COL4A6: variants seen among roughly 807,000 people sequenced by gnomAD.
COL4A6 encodes collagen type IV alpha 6 chain, also known as collagen alpha-6(IV) chain.
Under a neutral mutation model 126.7 loss-of-function variants are expected in COL4A6, and 59 were observed. That is an observed-to-expected ratio of 0.47 (90% CI 0.38 to 0.58). The LOEUF is 0.58. Ranked by LOEUF, COL4A6 falls within the 20% of genes least tolerant of loss-of-function variation. COL4A6 has a pLI of 0.00. For missense variants in COL4A6, 1,285 were observed against 1,337.3 expected, an observed-to-expected ratio of 0.96 and a Z score of 0.61; for synonymous variants, 547 against 496.6, an observed-to-expected ratio of 1.10 and a Z score of -1.35.
At position 108,220,457 on chromosome X, in the gene COL4A6, G is replaced by A. The variant is rs143197309; in HGVS notation, c.280-715C>T. 1.7e-3 allele frequency among the ~76,000 whole-genome samples: 195 copies of A among 111,955 alleles called. No individual in the cohort carries two copies. In the East Asian group the frequency reaches 0.042, roughly 24 times the overall value. On this transcript the variant is annotated intron_variant, in intron 4 of 44. Coordinates refer to ENST00000334504, the MANE Select transcript of COL4A6 (RefSeq NM_033641.4). ...GGAATCGTTCCCTCACCAACAGGGC[G>A]AATAGAAGGTGATTAAAGTAGGCAG... is the stretch of plus-strand genomic sequence containing the variant.
rs753205165 is a variant in COL4A6 at position 108,186,528 on chromosome X, T to C, written c.1951+568A>G. Among the ~76,000 whole-genome samples, 13 of 112,203 alleles carry C rather than the reference T, an allele frequency of 1.2e-4. No homozygotes were observed. In the South Asian group the frequency reaches 4.8e-3, roughly 42 times the overall value. ...TATTGAAGAAGATTAGTTATTAGCA[T>C]AGCACCTTCATAAACTATAAGCAGG... On this transcript the variant is annotated intron_variant, in intron 23 of 44. Transcript: ENST00000334504.
At chrX:108,234,780 T>C (rs956674409) in intron 3 of COL4A6, among the ~76,000 whole-genome samples, 3 of 111,186 alleles carry the variant, frequency 2.7e-5, no homozygotes, top group Non-Finnish European at 5.7e-5. Context: ...AACTAGAGAG[T>C]AGAAGATGTA....
intron 3 of COL4A6, among the ~76,000 whole-genome samples, chrX:108,234,778 A>G (rs1164459284): frequency 8.9e-6 from 1 of 111,910 alleles, no homozygotes; most frequent in East Asian, 2.8e-4. Flanking sequence ...CAAACTAGAG[A>G]GTAGAAGATG....
chrX:108,391,768 C>A (rs1257761605), intron 2 of COL4A6, among the ~76,000 whole-genome samples: 1 of 112,369 alleles, frequency 8.9e-6, no homozygotes, highest in African/African-American at 3.2e-5. Context: ...AAAGGGAAAT[C>A]CCCCGACCCC....
At chrX:108,401,114 A>G (rs1395785257) in intron 2 of COL4A6, among the ~76,000 whole-genome samples, 2 of 111,427 alleles carry the variant, frequency 1.8e-5, no homozygotes, top group African/African-American at 6.5e-5. Context: ...TATCTCCAAA[A>G]AAGCTGATTT....
At chrX:108,361,639 G>A (rs2040086876) in intron 2 of COL4A6, among the ~76,000 whole-genome samples, 1 of 111,631 alleles carries the variant, frequency 9.0e-6, no homozygotes, top group Non-Finnish European at 1.9e-5. Flanking sequence ...GTCATAAAAC[G>A]TGGACAGTAT....
chrX:108,373,975 C>T lies in COL4A6; in HGVS notation c.64-63147G>A, dbSNP rs750555247. Among the ~76,000 whole-genome samples the T allele has an allele frequency of 7.0e-4, 78 of 111,972 alleles. 1 individual carries two copies. Among genetic ancestry groups the T allele is most frequent in the Non-Finnish European group, 9.8e-4 (52 of 53,203 alleles). On this transcript the variant is annotated intron_variant, in intron 2 of 44. Coordinates refer to ENST00000334504, the MANE Select transcript of COL4A6 (RefSeq NM_033641.4). Reference sequence around the variant, plus strand: ...CAAATGTTTGCTAAAAGAATATATCCTCCCCCAAAAGAAAATAAAACAGGC... The same window carrying T: ...CAAATGTTTGCTAAAAGAATATATCTTCCCCCAAAAGAAAATAAAACAGGC...
rs750381893 is a variant in COL4A6, at chrX:108,270,613, GA to G, written c.144+40134del. Among the ~76,000 whole-genome samples, 3 of 112,388 alleles carry G rather than the reference GA, an allele frequency of 2.7e-5. No homozygotes were observed. The South Asian group carries it at 1.1e-3, about 42-fold the overall frequency. On this transcript the variant is annotated intron_variant, in intron 3 of 44. Coordinates refer to ENST00000334504, the MANE Select transcript of COL4A6 (RefSeq NM_033641.4). Reference sequence around the variant, plus strand: ...AATTGTCTGAAGCCACTGGGTTTTGGAGTGGGTTGTTACATGGTGACAGCTA... The same window carrying G: ...AATTGTCTGAAGCCACTGGGTTTTGGGTGGGTTGTTACATGGTGACAGCTA...
chrX:108,206,044 G>A (rs1249066644), intron 9 of COL4A6, among the ~76,000 whole-genome samples: 2 of 111,712 alleles, frequency 1.8e-5, no homozygotes, highest in Non-Finnish European at 3.8e-5. Flanking sequence ...GAACCACATA[G>A]ATGACTGGCT....
chrX:108,170,514 G>A, intron 35 of COL4A6, 95 bp downstream of exon 35: 5 of 718,680 alleles, frequency 7.0e-6, no homozygotes, highest in Non-Finnish European at 1.1e-5. Context: ...TGTAGGCATG[G>A]CTTAACCCTA....
intron 2 of COL4A6, among the ~76,000 whole-genome samples, chrX:108,332,478 A>T (rs1173167505): frequency 8.9e-6 from 1 of 112,032 alleles, no homozygotes; most frequent in Middle Eastern, 4.2e-3. Context: ...CCAACAGAAT[A>T]TAAGCATTCT....
At chrX:108,172,265 G>A (rs745755152) in intron 32 of COL4A6, among the ~76,000 whole-genome samples, 96 of 105,960 alleles carry the variant, frequency 9.1e-4, no homozygotes, top group African/African-American at 3.1e-3. Flanking sequence ...CAGGAGAATC[G>A]CTTGAACCCG....
intron 3 of COL4A6, among the ~76,000 whole-genome samples, chrX:108,303,989 T>C (rs908003870): frequency 8.9e-6 from 1 of 111,813 alleles, no homozygotes; most frequent in Non-Finnish European, 1.9e-5. Context: ...TGACTTAGAT[T>C]GTCAGAGCTT....
At chrX:108,162,102 C>T (rs1419716221) in intron 41 of COL4A6, among the ~76,000 whole-genome samples, 2 of 112,432 alleles carry the variant, frequency 1.8e-5, no homozygotes, top group South Asian at 3.7e-4. Flanking sequence ...GTAATCCCAG[C>T]ACTTTGGGAG....
chrX:108,356,288 A>G (rs1272497088), intron 2 of COL4A6, among the ~76,000 whole-genome samples: 2 of 109,707 alleles, frequency 1.8e-5, no homozygotes, highest in Non-Finnish European at 3.8e-5. Flanking sequence ...TATGTAACTA[A>G]CCTGCACATT....
intron 3 of COL4A6, among the ~76,000 whole-genome samples, chrX:108,247,788 C>T (rs141731101): frequency 9.9e-4 from 110 of 111,642 alleles, no homozygotes; most frequent in Non-Finnish European, 1.7e-3. Context: ...ATTCATTTTG[C>T]ACACTACCAG....
At chrX:108,359,430 T>C (rs2040033546) in intron 2 of COL4A6, among the ~76,000 whole-genome samples, 1 of 112,861 alleles carries the variant, frequency 8.9e-6, no homozygotes, top group Non-Finnish European at 1.9e-5. Flanking sequence ...TGCAGGTATT[T>C]TTCCTATTAT....
intron 3 of COL4A6, among the ~76,000 whole-genome samples, chrX:108,295,861 G>T (rs920336761): frequency 2.2e-4 from 25 of 111,991 alleles, no homozygotes; most frequent in African/African-American, 8.1e-4. Flanking sequence ...TGCCACAGTT[G>T]GTGGTAGTTA....
chrX:108,164,595 C>A lies in COL4A6; in HGVS notation c.4069+5G>T. 8.3e-7 allele frequency: 1 copy of A among 1,210,668 alleles called. No individual in the cohort carries two copies. On this transcript the variant is annotated splice_donor_5th_base_variant and intron_variant, in intron 40 of 44. Coordinates refer to ENST00000334504, the MANE Select transcript of COL4A6 (RefSeq NM_033641.4). ...GGATCAGCCCAGCACATGCTCTCAA[C>A]TTACCTCTTGGCCCTGCCTTCCCCT...
Sources: allele counts gnomAD v4.1 joint callset (sites outside exome capture counted in the v4.1 genomes callset), GRCh38; gene constraint gnomAD v4.1.1; transcripts MANE v1.5; gene names NCBI Gene and HGNC (gene_info 2026-07-23, HGNC 2026-07-21).